KLHL13: variants seen among roughly 807,000 people sequenced by gnomAD.
KLHL13 encodes the protein kelch-like protein 13.
A neutral mutation model predicts 37.1 loss-of-function variants in KLHL13; 10 were observed. That is an observed-to-expected ratio of 0.27 (90% confidence interval 0.17 to 0.46). The LOEUF (loss-of-function observed/expected upper bound fraction) is 0.46, where lower values mean the gene tolerates loss of function less well. Ranked by LOEUF, KLHL13 falls within the 20% of genes least tolerant of loss-of-function variation. The pLI is 1.00. For synonymous variants in KLHL13, 163 were observed against 181.2 expected (o/e 0.90, Z 0.81); for missense variants, 360 against 509.3 (o/e 0.71, Z 2.82).
rs750755409 is a variant in KLHL13, at chrX:117,991,137, T to TAAAAAAAAAAAAAAA, written c.-55-45563_-55-45562insTTTTTTTTTTTTTTT. Among the ~76,000 whole-genome samples the TAAAAAAAAAAAAAAA allele has an allele frequency of 6.2e-3, 518 of 83,679 alleles. 40 individuals carry two copies. Among genetic ancestry groups the TAAAAAAAAAAAAAAA allele is most frequent in the African/African-American group, 0.037 (487 of 13,159 alleles). 72.7% of individuals were successfully genotyped at this position (83,679 alleles called of 115,157 possible). On this transcript the variant is annotated intron_variant, in intron 1 of 6. Transcript: ENST00000371882. ...AAGGCTGGAAATTTTCATTAAAAAG[T>TAAAAAAAAAAAAAAA]AAAAAAAAAAAAGTCTTATAAATGA...
intron 1 of KLHL13, among the ~76,000 whole-genome samples, chrX:117,967,450 AAATAT>A (rs1437352737): frequency 1.8e-5 from 2 of 111,353 alleles, no homozygotes; most frequent in East Asian, 5.7e-4. Context: ...AGTCTCAACT[AAATAT>A]TCTAAGTTTC....
chrX:118,020,020 T>C (rs2054183367), intron 1 of KLHL13, among the ~76,000 whole-genome samples: 1 of 110,419 alleles, frequency 9.1e-6, no homozygotes, highest in African/African-American at 3.3e-5. Flanking sequence ...TTTTTTCCAA[T>C]TCTGTGAAGA....
At chrX:118,082,214 T>C (rs937602757) in intron 1 of KLHL13, among the ~76,000 whole-genome samples, 2 of 110,877 alleles carry the variant, frequency 1.8e-5, no homozygotes, top group Non-Finnish European at 3.8e-5. Context: ...GCTGTACTAA[T>C]TCACAACTCC....
At chrX:117,975,547 T>C (rs1208814925), upstream of KLHL13, among the ~76,000 whole-genome samples, 5 of 111,736 alleles carry the variant, frequency 4.5e-5, no homozygotes, top group East Asian at 1.4e-3. Context: ...CCTGCCACCA[T>C]GCCTGGCTAA....
intron 1 of KLHL13, among the ~76,000 whole-genome samples, chrX:118,078,388 C>A (rs1372567752): frequency 2.7e-5 from 3 of 111,307 alleles, no homozygotes; most frequent in African/African-American, 9.8e-5. Flanking sequence ...CCATCACTGT[C>A]CAAATTTCCT....
At chrX:118,019,662 T>C (rs1438659219) in intron 1 of KLHL13, among the ~76,000 whole-genome samples, 38 of 111,392 alleles carry the variant, frequency 3.4e-4, no homozygotes, top group African/African-American at 1.2e-3. Context: ...CTTGAATTGA[T>C]TTTTGTATAA....
chrX:117,916,514 C>T (rs5955990), intron 4 of KLHL13, among the ~76,000 whole-genome samples: 18,901 of 111,625 alleles, frequency 0.17, 2,191 homozygotes, highest in African/African-American at 0.42. Flanking sequence ...GCTCTTGTTC[C>T]ATTAACACTG....
At chrX:118,087,465 T>C (rs1283268387) in intron 1 of KLHL13, among the ~76,000 whole-genome samples, 1 of 110,049 alleles carries the variant, frequency 9.1e-6, no homozygotes, top group African/African-American at 3.3e-5. Flanking sequence ...TATAAATTTA[T>C]CTTAGGTTAA....
intron 1 of KLHL13, among the ~76,000 whole-genome samples, chrX:118,050,085 T>C (rs1331450831): frequency 1.8e-5 from 2 of 111,829 alleles, no homozygotes; most frequent in South Asian, 3.8e-4. Context: ...AGAGTCTCAC[T>C]ATATTGCTCA....
At chrX:117,900,739 G>A (rs764150978) in intron 6 of KLHL13, among the ~76,000 whole-genome samples, 77 of 111,130 alleles carry the variant, frequency 6.9e-4, no homozygotes, top group African/African-American at 2.5e-3. Flanking sequence ...GTAACTGCTG[G>A]CCTGGCACTG....
chrX:118,018,644 T>C (rs1323626278), intron 1 of KLHL13, among the ~76,000 whole-genome samples: 1 of 111,616 alleles, frequency 9.0e-6, no homozygotes, highest in East Asian at 2.8e-4. Flanking sequence ...TCAAGAACCA[T>C]GGTATGTATA....
intron 1 of KLHL13, among the ~76,000 whole-genome samples, chrX:118,049,663 T>G (rs1050230511): frequency 3.6e-5 from 4 of 110,652 alleles, no homozygotes; most frequent in African/African-American, 9.9e-5. Flanking sequence ...AAAATAACAG[T>G]TGCACTATAC....
At chrX:117,996,944 A>G (rs990975284) in intron 1 of KLHL13, among the ~76,000 whole-genome samples, 1 of 111,510 alleles carries the variant, frequency 9.0e-6, no homozygotes, top group Admixed American at 9.5e-5. Context: ...AAAATATTCA[A>G]AACTAAAGAA....
chrX:118,006,563 G>A (rs964847105), intron 1 of KLHL13, among the ~76,000 whole-genome samples: 1 of 111,776 alleles, frequency 8.9e-6, no homozygotes, highest in Admixed American at 9.5e-5. Context: ...TGGAGCCACA[G>A]CTATTCTTAG....
chrX:117,943,626 G>A (rs1028041867), intron 2 of KLHL13, among the ~76,000 whole-genome samples: 6 of 107,222 alleles, frequency 5.6e-5, no homozygotes, highest in African/African-American at 2.1e-4. Flanking sequence ...TTTGGCTATT[G>A]ATACTTTTGT....
intron 1 of KLHL13, among the ~76,000 whole-genome samples, chrX:117,950,450 G>C (rs1038614058): frequency 9.0e-6 from 1 of 111,572 alleles, no homozygotes; most frequent in African/African-American, 3.3e-5. Context: ...CTGGGTGAAA[G>C]AGTGAAACTC....
intron 2 of KLHL13, among the ~76,000 whole-genome samples, chrX:117,922,144 A>T (rs1931741663): frequency 8.9e-6 from 1 of 111,973 alleles, no homozygotes; most frequent in African/African-American, 3.2e-5. Context: ...TTTTAAGGGA[A>T]TATTCTCATG....
At chrX:117,960,339 A>C (rs1422977538) in intron 1 of KLHL13, among the ~76,000 whole-genome samples, 3 of 111,723 alleles carry the variant, frequency 2.7e-5, no homozygotes, top group Non-Finnish European at 3.8e-5. Flanking sequence ...ACTTTCCTGG[A>C]TGCACCTCCA....
At chrX:117,938,591 T>G (rs1026003711) in intron 2 of KLHL13, among the ~76,000 whole-genome samples, 1 of 111,659 alleles carries the variant, frequency 9.0e-6, no homozygotes, top group Admixed American at 9.6e-5. Flanking sequence ...TATCTCTCAC[T>G]GCACTACAGT....
Sources: allele counts gnomAD v4.1 joint callset (sites outside exome capture counted in the v4.1 genomes callset), GRCh38; gene constraint gnomAD v4.1.1; transcripts MANE v1.5; gene names NCBI Gene and HGNC (gene_info 2026-07-23, HGNC 2026-07-21).